Variants in EYA2 observed in about 807,000 individuals in gnomAD.
The protein encoded by EYA2 is protein phosphatase EYA2.
EYA2 carries 31 observed loss-of-function variants against 69.2 expected under a neutral mutation model. The observed-to-expected ratio is 0.45, with a 90% CI of 0.34 to 0.60. The LOEUF is 0.60. Among genes scored for constraint, EYA2 ranks in the 20% least tolerant of loss-of-function variants. The probability of loss-of-function intolerance (pLI) is 0.02; values close to 1 mark genes in which losing one functional copy is unlikely to be tolerated. For missense variants in EYA2, 622 were observed against 701.2 expected (o/e 0.89, Z 1.28); for synonymous variants, 257 against 279.4 (o/e 0.92, Z 0.80).
chr20:46,905,280 A>G lies in EYA2; in HGVS notation c.-11+10293A>G, dbSNP rs73303607. ...ACAGATCGAGTGACTGCCCAGCGGC[A>G]TTCCATTCCAGGTCTGTGTGACCCA... On this transcript the variant is annotated intron_variant, in intron 1 of 15. Coordinates refer to ENST00000327619, the MANE Select transcript of EYA2 (RefSeq NM_005244.5). 7.0e-3 allele frequency among the ~76,000 whole-genome samples: 1,061 copies of G among 152,282 alleles called. 21 individuals carry two copies. Among genetic ancestry groups the G allele is most frequent in the African/African-American group, 0.024 (999 of 41,556 alleles).
At chr20:46,910,528 A>G (rs776975897) in intron 1 of EYA2, among the ~76,000 whole-genome samples, 1 of 152,196 alleles carries the variant, frequency 6.6e-6, no homozygotes, top group African/African-American at 2.4e-5. Context: ...CCAGCCAAGC[A>G]TAGGACATGC....
intron 5 of EYA2, among the ~76,000 whole-genome samples, chr20:47,034,926 A>C (rs1984613666): frequency 1.3e-5 from 2 of 152,176 alleles, no homozygotes; most frequent in African/African-American, 4.8e-5. Flanking sequence ...ACCACATGGC[A>C]TTCTCTCTGT....
At chr20:47,112,784 G>C (rs1306722126) in intron 9 of EYA2, among the ~76,000 whole-genome samples, 1 of 149,332 alleles carries the variant, frequency 6.7e-6, no homozygotes, top group East Asian at 2.0e-4. Flanking sequence ...AGAGAAAACA[G>C]TTCCAGGGAA....
chr20:47,016,713 C>T (rs1386740478), intron 5 of EYA2, among the ~76,000 whole-genome samples: 2 of 152,130 alleles, frequency 1.3e-5, no homozygotes, highest in African/African-American at 2.4e-5. Flanking sequence ...AAGAGCATTC[C>T]AGGCAGAGGG....
intron 5 of EYA2, among the ~76,000 whole-genome samples, chr20:47,059,242 C>T (rs1324602584): frequency 1.3e-5 from 2 of 152,282 alleles, no homozygotes; most frequent in East Asian, 3.9e-4. Context: ...GTTCCTGGGA[C>T]ATAAAGAATC....
rs1475628350 is a variant in EYA2 at position 47,021,642 on chromosome 20, AAAG to A, written c.415+5346_415+5348del. Among the ~76,000 whole-genome samples, 626 of 151,680 alleles carry A rather than the reference AAAG, an allele frequency of 4.1e-3. 4 individuals are homozygous for A. The highest frequency in any genetic ancestry group is 6.8e-3 in the Middle Eastern group (2 of 292). ...ACTCCATCTCAAAAAAAAAAAAAAA[AAAG>A]GCAAGAAAACAGTGGGATCCCTATC... On this transcript the variant is annotated intron_variant, in intron 5 of 15. Coordinates refer to ENST00000327619, the MANE Select transcript of EYA2 (RefSeq NM_005244.5).
rs535658102 is a variant in EYA2 at position 46,909,007 on chromosome 20, A to G, written c.-11+14020A>G. 1.5e-4 allele frequency among the ~76,000 whole-genome samples: 23 copies of G among 150,642 alleles called. No individual in the cohort carries two copies. The East Asian group carries it at 4.4e-3, about 29-fold the overall frequency. The stretch of plus-strand genomic sequence containing the variant: ...TGGGGATGAGGCTGAGACTTCTTCC[A>G]AGGAGCAATCAGCTTGCTTCATTAT... On this transcript the variant is annotated intron_variant, in intron 1 of 15. Coordinates refer to ENST00000327619, the MANE Select transcript of EYA2 (RefSeq NM_005244.5).
intron 1 of EYA2, among the ~76,000 whole-genome samples, chr20:46,977,247 G>T (rs1196074258): frequency 6.6e-6 from 1 of 152,186 alleles, no homozygotes. Flanking sequence ...GCCCCAATGT[G>T]GCTGTAATCT....
At chr20:47,149,416 C>G (rs2033772599) in intron 10 of EYA2, among the ~76,000 whole-genome samples, 1 of 152,090 alleles carries the variant, frequency 6.6e-6, no homozygotes. Flanking sequence ...CTATCCACAT[C>G]CATGGCGTTT....
chr20:46,907,538 C>A (rs1984418207), intron 1 of EYA2, among the ~76,000 whole-genome samples: 1 of 152,170 alleles, frequency 6.6e-6, no homozygotes, highest in African/African-American at 2.4e-5. Context: ...TGGAGAGGAA[C>A]ACATAAAAAC....
chr20:46,969,226 T>TG (rs543721032), intron 1 of EYA2, among the ~76,000 whole-genome samples: 2,137 of 151,814 alleles, frequency 0.014, 25 homozygotes, highest in Middle Eastern at 0.069. Context: ...TTGGTTTTTT[T>TG]TTTGTTTGTT....
chr20:46,935,969 C>T (rs1451431783), intron 1 of EYA2, among the ~76,000 whole-genome samples: 1 of 152,040 alleles, frequency 6.6e-6, no homozygotes, highest in African/African-American at 2.4e-5. Flanking sequence ...TGCTGACATG[C>T]GGCTCAAGGG....
chr20:46,977,250 T>A (rs1980520435), intron 1 of EYA2, among the ~76,000 whole-genome samples: 1 of 152,264 alleles, frequency 6.6e-6, no homozygotes. Context: ...CCAATGTGGC[T>A]GTAATCTTAT....
intron 1 of EYA2, among the ~76,000 whole-genome samples, chr20:46,957,703 C>T (rs779541397): frequency 6.6e-6 from 1 of 152,168 alleles, no homozygotes; most frequent in African/African-American, 2.4e-5. Flanking sequence ...CCTGGAGCCT[C>T]TGGATGGAAT....
chr20:46,926,515 T>C (rs890595050), intron 1 of EYA2, among the ~76,000 whole-genome samples: 9 of 152,234 alleles, frequency 5.9e-5, no homozygotes, highest in Non-Finnish European at 1.3e-4. Context: ...TTCTTCCTTT[T>C]GTTCTGTTCA....
At chr20:47,180,712 C>T (rs2034521622) in intron 13 of EYA2, 103 bp from the exon 14 acceptor site, 4 of 1,450,064 alleles carry the variant, frequency 2.8e-6, no homozygotes, top group Non-Finnish European at 2.8e-6. Flanking sequence ...GCCATAGCCT[C>T]CAAGCCTACC....
intron 12 of EYA2, 69 bp downstream of exon 12, chr20:47,172,936 G>T: frequency 6.7e-7 from 1 of 1,499,348 alleles, no homozygotes. Context: ...CAGTGTCCCT[G>T]CTGTGCCAGG....
chr20:46,906,053 T>C (rs2146216552), intron 1 of EYA2, among the ~76,000 whole-genome samples: 1 of 152,362 alleles, frequency 6.6e-6, no homozygotes, highest in African/African-American at 2.4e-5. Flanking sequence ...ACTTGAAATG[T>C]ACATGGACAT....
chr20:47,049,768 G>T (rs2030230075), intron 5 of EYA2, among the ~76,000 whole-genome samples: 1 of 151,690 alleles, frequency 6.6e-6, no homozygotes, highest in Non-Finnish European at 1.5e-5. Context: ...CCAGCTTCAG[G>T]TGTTTCTTTA....
Sources: gnomAD v4.1 joint callset for allele counts (sites outside exome capture counted in the v4.1 genomes callset) on GRCh38, gnomAD v4.1.1 for gene constraint, MANE v1.5 for transcripts, NCBI Gene and HGNC (gene_info 2026-07-23, HGNC 2026-07-21) for gene names.